The following CNTNAP2 variants were observed in gnomAD, a reference collection of about 807,000 sequenced individuals.
The protein encoded by CNTNAP2 is contactin-associated protein-like 2.
CNTNAP2 carries 98 observed loss-of-function variants against 155.2 expected under a neutral mutation model. The observed-to-expected ratio is 0.63, with a 90% CI of 0.54 to 0.75. CNTNAP2 has a LOEUF of 0.75. Among genes scored for constraint, CNTNAP2 ranks in the 30% least tolerant of loss-of-function variants. CNTNAP2 has a pLI of 0.00. For missense variants in CNTNAP2, 1,727 were observed against 1,688.1 expected (o/e 1.02, Z -0.40); for synonymous variants, 651 against 631.2 (o/e 1.03, Z -0.47).
intron 1 of CNTNAP2, among the ~76,000 whole-genome samples, chr7:146,256,740 GC>G (rs1255781242): frequency 6.6e-6 from 1 of 151,938 alleles, no homozygotes; most frequent in Non-Finnish European, 1.5e-5. Flanking sequence ...AAAATCCCAT[GC>G]CTTACCACAA....
chr7:146,317,969 A>T (rs191788556), intron 1 of CNTNAP2, among the ~76,000 whole-genome samples: 1 of 152,178 alleles, frequency 6.6e-6, no homozygotes, highest in African/African-American at 2.4e-5. Context: ...GTGAAACCTC[A>T]TCTCTACTAA....
chr7:148,164,767 G>C (rs916057229), intron 17 of CNTNAP2, among the ~76,000 whole-genome samples: 1 of 151,162 alleles, frequency 6.6e-6, no homozygotes, highest in African/African-American at 2.4e-5. Context: ...ACTACAGGCA[G>C]ATGCCACCAC....
chr7:146,539,459 G>T lies in CNTNAP2; in HGVS notation c.98-234812G>T, dbSNP rs563397543. ...GCCAGTTCAATGGAATTCAACCTTT[G>T]CTAGGCTGCAAATGATGGTAAAATG... On this transcript the variant is annotated intron_variant, in intron 1 of 23. Transcript: ENST00000361727. 7.3e-4 allele frequency among the ~76,000 whole-genome samples: 111 copies of T among 151,906 alleles called. 1 individual carries two copies. Among genetic ancestry groups the T allele is most frequent in the Non-Finnish European group, 1.5e-3 (99 of 67,988 alleles).
chr7:146,176,475 CAG>C (rs1464572843), intron 1 of CNTNAP2, among the ~76,000 whole-genome samples: 1 of 152,028 alleles, frequency 6.6e-6, no homozygotes, highest in African/African-American at 2.4e-5. Flanking sequence ...TAAAAATTGA[CAG>C]AGAATTTGGA....
chr7:146,483,193 A>G (rs1312598171), intron 1 of CNTNAP2, among the ~76,000 whole-genome samples: 1 of 147,478 alleles, frequency 6.8e-6, no homozygotes, highest in Admixed American at 6.8e-5. Flanking sequence ...GGAGAATGGC[A>G]TGAACCTGGG....
At chr7:146,798,195 C>A (rs149466288) in intron 2 of CNTNAP2, among the ~76,000 whole-genome samples, 83 of 151,470 alleles carry the variant, frequency 5.5e-4, no homozygotes, top group African/African-American at 2.0e-3. Flanking sequence ...TCACTTGAGC[C>A]GGGGATGGGG....
At chr7:147,571,871 C>A (rs183281889) in intron 12 of CNTNAP2, among the ~76,000 whole-genome samples, 4 of 152,230 alleles carry the variant, frequency 2.6e-5, no homozygotes, top group Non-Finnish European at 5.9e-5. Context: ...GTCTCCTAAC[C>A]TAGTTTACCT....
chr7:147,013,207 T>G (rs1389347685), intron 3 of CNTNAP2, among the ~76,000 whole-genome samples: 2 of 152,114 alleles, frequency 1.3e-5, no homozygotes, highest in Admixed American at 1.3e-4. Flanking sequence ...TAGATCAAGG[T>G]AATTTTGACA....
intron 1 of CNTNAP2, among the ~76,000 whole-genome samples, chr7:146,132,182 T>A (rs1797724319): frequency 6.6e-6 from 1 of 152,150 alleles, no homozygotes. Context: ...TTACAGATGA[T>A]CAATTTACTT....
At chr7:147,869,360 A>C (rs547374866) in intron 13 of CNTNAP2, among the ~76,000 whole-genome samples, 1 of 152,342 alleles carries the variant, frequency 6.6e-6, no homozygotes, top group African/African-American at 2.4e-5. Flanking sequence ...TATTGCTTGC[A>C]GTGTAAGTTT....
intron 21 of CNTNAP2, among the ~76,000 whole-genome samples, chr7:148,371,561 A>G (rs1798886541): frequency 6.6e-6 from 1 of 152,106 alleles, no homozygotes; most frequent in East Asian, 1.9e-4. Context: ...TGGAATCACC[A>G]CTAAAATTCT....
At chr7:146,782,006 G>A (rs1442295407) in intron 2 of CNTNAP2, among the ~76,000 whole-genome samples, 1 of 152,178 alleles carries the variant, frequency 6.6e-6, no homozygotes, top group Non-Finnish European at 1.5e-5. Flanking sequence ...ATCAGCCACA[G>A]TAGGCGGTAT....
At chr7:147,945,689 T>TTATATATATATA (rs10557677) in intron 14 of CNTNAP2, among the ~76,000 whole-genome samples, 1 of 148,246 alleles carries the variant, frequency 6.7e-6, no homozygotes, top group South Asian at 2.1e-4. Flanking sequence ...ACAAAAGCCT[T>TTATATATATATA]TATATATATA....
chr7:146,777,298 G>A (rs564660130), intron 2 of CNTNAP2, among the ~76,000 whole-genome samples: 6 of 152,270 alleles, frequency 3.9e-5, no homozygotes, highest in African/African-American at 7.2e-5. Context: ...GCTTATCAGC[G>A]TTATGCTGTC....
intron 13 of CNTNAP2, among the ~76,000 whole-genome samples, chr7:147,771,049 A>G (rs1186233142): frequency 2.0e-5 from 3 of 152,222 alleles, no homozygotes; most frequent in Non-Finnish European, 2.9e-5. Context: ...TGATATATGC[A>G]TTTATAAATG....
intron 2 of CNTNAP2, among the ~76,000 whole-genome samples, chr7:146,826,847 T>TAG (rs1268760402): frequency 2.1e-5 from 3 of 142,136 alleles, no homozygotes; most frequent in East Asian, 2.0e-4. Flanking sequence ...TATATATATA[T>TAG]ATATATATAT....
At chr7:146,688,389 G>A (rs1800639453) in intron 1 of CNTNAP2, among the ~76,000 whole-genome samples, 1 of 152,084 alleles carries the variant, frequency 6.6e-6, no homozygotes, top group South Asian at 2.1e-4. Context: ...GAGCAATAAA[G>A]CTTTTTAATC....
At chr7:146,294,321 G>A (rs148687959) in intron 1 of CNTNAP2, among the ~76,000 whole-genome samples, 1 of 152,300 alleles carries the variant, frequency 6.6e-6, no homozygotes, top group Non-Finnish European at 1.5e-5. Flanking sequence ...CAGCCGGACT[G>A]CGCAAAGGAC....
chr7:146,754,237 A>C (rs1438757426), intron 1 of CNTNAP2, among the ~76,000 whole-genome samples: 2 of 152,020 alleles, frequency 1.3e-5, no homozygotes, highest in African/African-American at 4.8e-5. Context: ...TTTTAATTCT[A>C]GTAGGAGTCA....
Sources: gnomAD v4.1 joint callset for allele counts (sites outside exome capture counted in the v4.1 genomes callset) on GRCh38, gnomAD v4.1.1 for gene constraint, MANE v1.5 for transcripts, NCBI Gene and HGNC (gene_info 2026-07-23, HGNC 2026-07-21) for gene names.